The following SLC4A10 variants were observed in gnomAD, a reference collection of about 807,000 sequenced individuals.
The protein encoded by SLC4A10 is sodium-driven chloride bicarbonate exchanger.
Under a neutral mutation model 137.7 loss-of-function variants are expected in SLC4A10, and 42 were observed. The ratio of observed to expected loss-of-function variants is 0.30; its 90% CI spans 0.24 to 0.39. The LOEUF (loss-of-function observed/expected upper bound fraction) is 0.39. Among genes scored for constraint, SLC4A10 ranks in the 10% least tolerant of loss-of-function variants. SLC4A10 has a pLI of 1.00. For missense variants in SLC4A10, 925 were observed against 1,355.0 expected (o/e 0.68, Z 4.98); for synonymous variants, 474 against 464.1 (o/e 1.02, Z -0.27).
chr2:161,760,072 C>CT (rs2050094004), intron 1 of SLC4A10, among the ~76,000 whole-genome samples: 1 of 151,842 alleles, frequency 6.6e-6, no homozygotes, highest in South Asian at 2.1e-4. Flanking sequence ...TTTTCTTTCA[C>CT]TTTTCTTGTT....
At chr2:161,728,689 C>A (rs1278361725) in intron 1 of SLC4A10, among the ~76,000 whole-genome samples, 1 of 152,012 alleles carries the variant, frequency 6.6e-6, no homozygotes, top group East Asian at 1.9e-4. Context: ...ACAAAAAAGA[C>A]ACTTCCCAAA....
chr2:161,722,986 A>G (rs1025486914), intron 1 of SLC4A10, among the ~76,000 whole-genome samples: 10 of 152,178 alleles, frequency 6.6e-5, no homozygotes, highest in African/African-American at 2.4e-4. Flanking sequence ...CACTGTAGGG[A>G]ATTCCTCCAG....
intron 11 of SLC4A10, among the ~76,000 whole-genome samples, chr2:161,897,314 A>C (rs139838349): frequency 6.0e-4 from 91 of 152,192 alleles, no homozygotes; most frequent in African/African-American, 2.1e-3. Flanking sequence ...ATGCCTACTG[A>C]ATCTGCCTCC....
chr2:161,662,092 T>C (rs1227766083), intron 1 of SLC4A10, among the ~76,000 whole-genome samples: 2 of 152,154 alleles, frequency 1.3e-5, no homozygotes, highest in South Asian at 2.1e-4. Flanking sequence ...AATATGAATG[T>C]TTGGGTAATG....
chr2:161,648,348 G>A (rs554883357), intron 1 of SLC4A10, among the ~76,000 whole-genome samples: 3 of 152,032 alleles, frequency 2.0e-5, no homozygotes, highest in Admixed American at 6.6e-5. Flanking sequence ...TATTGAAAAC[G>A]TACAGTATAT....
intron 1 of SLC4A10, among the ~76,000 whole-genome samples, chr2:161,699,289 G>T (rs1324692102): frequency 6.6e-6 from 1 of 152,080 alleles, no homozygotes; most frequent in Non-Finnish European, 1.5e-5. Context: ...CAAAGTGCTG[G>T]GATTACAGGC....
intron 3 of SLC4A10, among the ~76,000 whole-genome samples, chr2:161,809,880 T>C (rs1386007215): frequency 6.6e-6 from 1 of 152,036 alleles, no homozygotes. Context: ...GATTCCATAT[T>C]AATTTTAGAA....
intron 1 of SLC4A10, among the ~76,000 whole-genome samples, chr2:161,667,410 G>A (rs913544698): frequency 9.2e-5 from 14 of 151,600 alleles, no homozygotes; most frequent in African/African-American, 2.9e-4. Context: ...GTTAATAATT[G>A]CAATAAAGTA....
chr2:161,949,316 A>T (rs1694384065), intron 18 of SLC4A10, 55 bp downstream of exon 18: 2 of 1,140,714 alleles, frequency 1.8e-6, no homozygotes, highest in Non-Finnish European at 2.6e-6. Flanking sequence ...CTTCATTTAG[A>T]TGATACCTAT....
At chr2:161,858,830 C>A (rs938476733) in intron 5 of SLC4A10, among the ~76,000 whole-genome samples, 2 of 152,218 alleles carry the variant, frequency 1.3e-5, no homozygotes, top group South Asian at 2.1e-4. Context: ...TTTAAACAAC[C>A]TTTGTTGTTT....
At chr2:161,833,060 C>A (rs2058542876) in intron 3 of SLC4A10, among the ~76,000 whole-genome samples, 2 of 152,110 alleles carry the variant, frequency 1.3e-5, no homozygotes, top group African/African-American at 4.8e-5. Flanking sequence ...TTCTTTCAGA[C>A]AACAATTTTA....
In SLC4A10 at chr2:161,947,746, G is replaced by A. The variant is rs759363584; in HGVS notation, c.2265+19G>A. On this transcript the variant is annotated intron_variant, in intron 17 of 26. Coordinates refer to ENST00000446997, the MANE Select transcript of SLC4A10 (RefSeq NM_001178015.2). ...AACCAAGGTACTTAGACTATTTCTT[G>A]ATCTAAATGTAAAATAACATAGGAC... 10 of 1,602,918 alleles carry A rather than the reference G, an allele frequency of 6.2e-6. No individual in the cohort carries two copies. The highest frequency in any genetic ancestry group is 1.3e-5 in the African/African-American group (1 of 74,262).
chr2:161,740,998 G>A (rs1346949417), intron 1 of SLC4A10, among the ~76,000 whole-genome samples: 3 of 151,932 alleles, frequency 2.0e-5, no homozygotes, highest in Middle Eastern at 3.4e-3. Flanking sequence ...GCACCTAAAC[G>A]GCCAGGTACA....
At chr2:161,937,185 T>C (rs1452362360) in intron 15 of SLC4A10, among the ~76,000 whole-genome samples, 2 of 152,200 alleles carry the variant, frequency 1.3e-5, no homozygotes, top group African/African-American at 4.8e-5. Context: ...TCGCATACCA[T>C]TGTGTTAAAA....
At chr2:161,896,789 A>G (rs1260735327) in intron 11 of SLC4A10, among the ~76,000 whole-genome samples, 1 of 152,138 alleles carries the variant, frequency 6.6e-6, no homozygotes, top group Non-Finnish European at 1.5e-5. Context: ...CCTAACACAC[A>G]TTACTGAGAA....
At chr2:161,768,541 G>A (rs573494703) in intron 1 of SLC4A10, among the ~76,000 whole-genome samples, 7 of 152,026 alleles carry the variant, frequency 4.6e-5, no homozygotes, top group African/African-American at 1.4e-4. Flanking sequence ...TCTGTAAATT[G>A]GCTCAAGTAC....
At chr2:161,682,871 G>T (rs1170591632) in intron 1 of SLC4A10, among the ~76,000 whole-genome samples, 1 of 151,996 alleles carries the variant, frequency 6.6e-6, no homozygotes, top group African/African-American at 2.4e-5. Flanking sequence ...AGTCATAGCT[G>T]CTGGGACTCC....
intron 10 of SLC4A10, among the ~76,000 whole-genome samples, chr2:161,894,164 T>G (rs1343883): frequency 0.068 from 10,395 of 152,118 alleles, 455 homozygotes; most frequent in East Asian, 0.13. Context: ...CAGGGAATCC[T>G]GGAACCAATC....
At chr2:161,726,594 A>G (rs575539544) in intron 1 of SLC4A10, among the ~76,000 whole-genome samples, 1 of 152,296 alleles carries the variant, frequency 6.6e-6, no homozygotes. Flanking sequence ...ACACAACCTG[A>G]AAAGGCACCA....
Sources: gnomAD v4.1 joint callset for allele counts (sites outside exome capture counted in the v4.1 genomes callset) on GRCh38, gnomAD v4.1.1 for gene constraint, MANE v1.5 for transcripts, NCBI Gene and HGNC (gene_info 2026-07-23, HGNC 2026-07-21) for gene names.